PRKCA: variants seen among roughly 807,000 people sequenced by gnomAD.
The protein encoded by PRKCA is protein kinase C alpha, also known as protein kinase C alpha type.
Under a neutral mutation model 87.0 loss-of-function variants are expected in PRKCA, and 27 were observed. That is an observed-to-expected ratio of 0.31 (90% CI 0.23 to 0.43). The LOEUF (loss-of-function observed/expected upper bound fraction) is 0.43. Among genes scored for constraint, PRKCA ranks in the 20% least tolerant of loss-of-function variants. PRKCA has a pLI of 1.00. For missense variants in PRKCA, 518 were observed against 852.3 expected, an observed-to-expected ratio of 0.61 and a Z score of 4.88; for synonymous variants, 329 against 311.1, an observed-to-expected ratio of 1.06 and a Z score of -0.61.
intron 2 of PRKCA, among the ~76,000 whole-genome samples, chr17:66,329,885 G>T (rs1906219952): frequency 1.3e-5 from 2 of 152,078 alleles, no homozygotes; most frequent in African/African-American, 4.8e-5. Context: ...TCGAAATGTC[G>T]ATCTTTTTTC....
intron 3 of PRKCA, among the ~76,000 whole-genome samples, chr17:66,500,794 A>G (rs1006791178): frequency 1.3e-5 from 2 of 152,208 alleles, no homozygotes; most frequent in Non-Finnish European, 2.9e-5. Flanking sequence ...GAATTAACTT[A>G]TCCTCCAGTC....
At chr17:66,515,040 G>C (rs968458470) in intron 3 of PRKCA, among the ~76,000 whole-genome samples, 7 of 152,022 alleles carry the variant, frequency 4.6e-5, no homozygotes, top group African/African-American at 1.4e-4. Context: ...TGGATCACTA[G>C]GTCAGGAGAT....
intron 5 of PRKCA, among the ~76,000 whole-genome samples, chr17:66,661,715 C>T (rs867057160): frequency 6.6e-6 from 1 of 152,138 alleles, no homozygotes; most frequent in Non-Finnish European, 1.5e-5. Context: ...AGGTTCCAGG[C>T]GTAAATGGTG....
chr17:66,566,482 T>G (rs1014701435), intron 3 of PRKCA, among the ~76,000 whole-genome samples: 4 of 94,134 alleles, frequency 4.2e-5, no homozygotes, highest in African/African-American at 6.4e-5. Context: ...GTTTTTTGGT[T>G]TTTTTTTTTT....
At chr17:66,499,655 G>A (rs138012228) in intron 3 of PRKCA, among the ~76,000 whole-genome samples, 2 of 152,212 alleles carry the variant, frequency 1.3e-5, no homozygotes, top group East Asian at 1.9e-4. Flanking sequence ...GAAATATAAC[G>A]GAAACACACC....
At chr17:66,419,461 C>T (rs1434763535) in intron 2 of PRKCA, among the ~76,000 whole-genome samples, 1 of 151,982 alleles carries the variant, frequency 6.6e-6, no homozygotes, top group Non-Finnish European at 1.5e-5. Flanking sequence ...ATAATTTGGT[C>T]ACCAAAAACG....
intron 9 of PRKCA, among the ~76,000 whole-genome samples, chr17:66,733,148 CAA>C (rs34064109): frequency 1.9e-3 from 186 of 99,352 alleles, no homozygotes; most frequent in Non-Finnish European, 1.9e-3. Flanking sequence ...GACTCCGTCT[CAA>C]AAAAAAAAAA....
chr17:66,461,152 G>A (rs1030546571), intron 2 of PRKCA, among the ~76,000 whole-genome samples: 1 of 146,364 alleles, frequency 6.8e-6, no homozygotes, highest in South Asian at 2.1e-4. Context: ...GCTGCGGTAC[G>A]CTATGTTCAC....
chr17:66,498,878 A>G (rs1350687253), intron 3 of PRKCA, among the ~76,000 whole-genome samples: 3 of 152,226 alleles, frequency 2.0e-5, no homozygotes, highest in African/African-American at 7.2e-5. Context: ...AGTTTAATCA[A>G]TAACAAACAG....
intron 3 of PRKCA, among the ~76,000 whole-genome samples, chr17:66,539,013 T>C (rs1254255386): frequency 6.6e-6 from 1 of 152,206 alleles, no homozygotes; most frequent in Admixed American, 6.5e-5. Flanking sequence ...CTTCTCCTTT[T>C]ATCTTCGGAA....
intron 3 of PRKCA, among the ~76,000 whole-genome samples, chr17:66,556,487 A>G (rs1968499066): frequency 6.6e-6 from 1 of 152,108 alleles, no homozygotes; most frequent in Admixed American, 6.6e-5. Flanking sequence ...AGAAGAGAAC[A>G]TTTGAAGACC....
chr17:66,482,687 G>A (rs889263322), intron 2 of PRKCA, among the ~76,000 whole-genome samples: 5 of 152,070 alleles, frequency 3.3e-5, no homozygotes, highest in African/African-American at 7.2e-5. Flanking sequence ...TGATTACAAC[G>A]GCAGGTACCA....
chr17:66,556,693 A>G (rs142261169), intron 3 of PRKCA, among the ~76,000 whole-genome samples: 107 of 152,210 alleles, frequency 7.0e-4, no homozygotes, highest in African/African-American at 2.5e-3. Context: ...CAGAGATCTG[A>G]CAGTTTTATA....
At chr17:66,692,279 A>C (rs928094531) in intron 8 of PRKCA, among the ~76,000 whole-genome samples, 1 of 152,232 alleles carries the variant, frequency 6.6e-6, no homozygotes, top group African/African-American at 2.4e-5. Flanking sequence ...CTCAAATTAC[A>C]TTAGCTCATT....
chr17:66,504,932 G>T (rs1916905691), intron 3 of PRKCA, among the ~76,000 whole-genome samples: 1 of 152,158 alleles, frequency 6.6e-6, no homozygotes, highest in South Asian at 2.1e-4. Flanking sequence ...TGTTCTGCAT[G>T]TCCTGTCGGG....
At chr17:66,582,534 C>T (rs566801704) in intron 3 of PRKCA, among the ~76,000 whole-genome samples, 213 of 152,232 alleles carry the variant, frequency 1.4e-3, no homozygotes, top group Non-Finnish European at 2.5e-3. Flanking sequence ...TCTTGCCTGC[C>T]GCCATGTAAG....
chr17:66,534,464 A>C (rs1236370828), intron 3 of PRKCA, among the ~76,000 whole-genome samples: 1 of 152,068 alleles, frequency 6.6e-6, no homozygotes, highest in East Asian at 1.9e-4. Flanking sequence ...TCAAGAGATC[A>C]AGACCATCCT....
At position 66,608,605 on chromosome 17, in the gene PRKCA, T is replaced by C. The variant is rs545539561; in HGVS notation, c.289-32750T>C. Among the ~76,000 whole-genome samples, 4 of 152,322 alleles carry C rather than the reference T, an allele frequency of 2.6e-5. No homozygotes were observed. In the East Asian group the frequency reaches 7.7e-4, roughly 29 times the overall value. On this transcript the variant is annotated intron_variant, in intron 3 of 16. Coordinates refer to ENST00000413366, the MANE Select transcript of PRKCA (RefSeq NM_002737.3). ...GGAATTCAGGGGTCCTCCAGATCAC[T>C]GGTTTCCAAACCTGACTCTTTAGGA... is the stretch of plus-strand genomic sequence containing the variant.
At chr17:66,655,812 C>CTTG (rs1191617616) in intron 5 of PRKCA, among the ~76,000 whole-genome samples, 2 of 152,120 alleles carry the variant, frequency 1.3e-5, no homozygotes, top group East Asian at 3.9e-4. Flanking sequence ...TTTAGCCCTA[C>CTTG]ATCTGGATCA....
Sources: allele counts gnomAD v4.1 joint callset (sites outside exome capture counted in the v4.1 genomes callset), GRCh38; gene constraint gnomAD v4.1.1; transcripts MANE v1.5; gene names NCBI Gene and HGNC (gene_info 2026-07-23, HGNC 2026-07-21).